DOCK1: variants seen among roughly 807,000 people sequenced by gnomAD.
The protein encoded by DOCK1 is dedicator of cytokinesis protein 1.
Under a neutral mutation model 262.7 loss-of-function variants are expected in DOCK1, and 138 were observed. The observed-to-expected ratio is 0.53, with a 90% CI of 0.46 to 0.61. The LOEUF is 0.61. Among genes scored for constraint, DOCK1 ranks in the 20% least tolerant of loss-of-function variants. The pLI, the probability that DOCK1 is intolerant of heterozygous loss-of-function variation, is 0.00. For missense variants in DOCK1, 1,908 were observed against 2,370.7 expected, an observed-to-expected ratio of 0.80 and a Z score of 4.05; for synonymous variants, 866 against 867.4, an observed-to-expected ratio of 1.00 and a Z score of 0.03.
intron 1 of DOCK1, among the ~76,000 whole-genome samples, chr10:126,950,512 T>C (rs947234985): frequency 6.6e-6 from 1 of 152,120 alleles, no homozygotes; most frequent in Non-Finnish European, 1.5e-5. Context: ...CAATGGGGCC[T>C]TTGACAGTGC....
chr10:127,145,603 C>T (rs1028560212), intron 27 of DOCK1, among the ~76,000 whole-genome samples: 3 of 152,162 alleles, frequency 2.0e-5, no homozygotes, highest in Admixed American at 6.5e-5. Context: ...GATCCCATGA[C>T]CCAGGGCCAT....
chr10:126,974,306 G>A (rs1408495439), intron 2 of DOCK1, among the ~76,000 whole-genome samples: 1 of 152,132 alleles, frequency 6.6e-6, no homozygotes, highest in African/African-American at 2.4e-5. Flanking sequence ...CAAAGTTGAG[G>A]AAATTGTCCT....
chr10:127,226,848 C>T (rs1234800045), intron 27 of DOCK1, among the ~76,000 whole-genome samples: 1 of 152,124 alleles, frequency 6.6e-6, no homozygotes, highest in African/African-American at 2.4e-5. Flanking sequence ...TGCCTTTCTC[C>T]CGCTCCCATC....
rs375692705 is a variant in DOCK1 at position 127,451,936 on chromosome 10, G to C, written c.*509G>C. 6.4e-5 allele frequency: 10 copies of C among 156,860 alleles called. No homozygotes were observed. In the South Asian group the frequency reaches 2.0e-3, roughly 31 times the overall value. The allele number at this position is 156,860 out of a possible 1,614,324, so 9.7% of individuals were successfully genotyped here. A position where few individuals can be genotyped will look rare whatever the true frequency, so the allele number is the denominator to read the frequency against. On this transcript the variant is annotated 3_prime_UTR_variant, in exon 52 of 52. Transcript: ENST00000623213. ...TGAGGTGTGTCTCCAACCTACATCAGACCATGAAGTTCAACCCCTCCAGGG... is the reference window on the plus strand; with the variant it reads ...TGAGGTGTGTCTCCAACCTACATCACACCATGAAGTTCAACCCCTCCAGGG...
intron 27 of DOCK1, among the ~76,000 whole-genome samples, chr10:127,189,008 A>G (rs1172961620): frequency 2.0e-5 from 3 of 152,182 alleles, no homozygotes; most frequent in Non-Finnish European, 2.9e-5. Flanking sequence ...GTCAGGGCTC[A>G]GGTGGTCGGC....
intron 23 of DOCK1, among the ~76,000 whole-genome samples, chr10:127,090,723 G>A (rs961266821): frequency 7.9e-5 from 12 of 152,056 alleles, no homozygotes; most frequent in East Asian, 7.7e-4. Context: ...CTTCTTCTGC[G>A]TATTTCATAT....
rs2064406469 is a variant in DOCK1 at position 127,361,156 on chromosome 10, C to T, written c.3284-908C>T. On this transcript the variant is annotated intron_variant, in intron 32 of 51. Transcript: ENST00000623213. The stretch of plus-strand genomic sequence containing the variant: ...TGAGACAGAGTCTTGCTCTGTCGCC[C>T]AGGCTGGAGTGCACTGGCGTGATCT... Among the ~76,000 whole-genome samples the T allele has an allele frequency of 3.5e-5, 5 of 144,670 alleles. No homozygotes were observed. In the Admixed American group the frequency reaches 3.5e-4, roughly 10 times the overall value. The allele number at this position is 144,670 out of a possible 152,430, so 94.9% of individuals were successfully genotyped here.
intron 21 of DOCK1, among the ~76,000 whole-genome samples, chr10:127,045,200 T>TAA (rs71032534): frequency 0.17 from 14,060 of 81,802 alleles, 1,781 homozygotes; most frequent in South Asian, 0.28. Flanking sequence ...TCTGTCTCAA[T>TAA]AAAAAAAAAA....
intron 27 of DOCK1, among the ~76,000 whole-genome samples, chr10:127,225,144 A>T (rs1043355825): frequency 6.6e-6 from 1 of 152,252 alleles, no homozygotes; most frequent in Admixed American, 6.5e-5. Flanking sequence ...CGTGCCAAAA[A>T]TATAGAAAGT....
chr10:127,394,022 T>C (rs117895752), intron 38 of DOCK1, among the ~76,000 whole-genome samples: 3,626 of 152,228 alleles, frequency 0.024, 63 homozygotes, highest in Non-Finnish European at 0.035. Context: ...TTGTCTGTCT[T>C]ATTGTGTTTG....
At chr10:127,310,601 G>A (rs530096835) in intron 29 of DOCK1, among the ~76,000 whole-genome samples, 16 of 152,288 alleles carry the variant, frequency 1.1e-4, no homozygotes, top group African/African-American at 3.8e-4. Context: ...AACTGTTCTC[G>A]TAAAAGCGTT....
chr10:127,165,420 G>C (rs2053986911), intron 27 of DOCK1, among the ~76,000 whole-genome samples: 1 of 152,156 alleles, frequency 6.6e-6, no homozygotes, highest in African/African-American at 2.4e-5. Flanking sequence ...GTCCAGTTAT[G>C]AGACTTTGCT....
At chr10:127,105,666 G>A (rs758665363) in intron 23 of DOCK1, among the ~76,000 whole-genome samples, 2 of 152,190 alleles carry the variant, frequency 1.3e-5, no homozygotes, top group African/African-American at 2.4e-5. Context: ...TAGGCCACAG[G>A]TGATAAGTGT....
intron 23 of DOCK1, among the ~76,000 whole-genome samples, chr10:127,068,270 G>A (rs1303654806): frequency 6.6e-6 from 1 of 152,102 alleles, no homozygotes; most frequent in Non-Finnish European, 1.5e-5. Flanking sequence ...GCTAGCATCT[G>A]GGATCCACAC....
At chr10:127,451,232 C>T (rs762543531) in intron 51 of DOCK1, 100 bp from the exon 52 acceptor site, 51 of 1,342,962 alleles carry the variant, frequency 3.8e-5, no homozygotes, top group Non-Finnish European at 4.4e-5. Flanking sequence ...AGGATGGTTC[C>T]GGCTGAGTGG....
chr10:127,139,471 C>T lies in DOCK1; in HGVS notation c.2847+11707C>T, dbSNP rs565184359. Among the ~76,000 whole-genome samples the T allele has an allele frequency of 6.0e-5, 9 of 151,228 alleles. No homozygotes were observed. In the East Asian group the frequency reaches 1.4e-3, roughly 23 times the overall value. On this transcript the variant is annotated intron_variant, in intron 27 of 51. Coordinates refer to ENST00000623213, the MANE Select transcript of DOCK1 (RefSeq NM_001290223.2). ...AACAAGTTATCCTTTTCCCTTTTTT[C>T]GAAGAGCCTCTTTGAGTTATGCTCT...
intron 23 of DOCK1, among the ~76,000 whole-genome samples, chr10:127,076,843 T>C (rs1564785679): frequency 6.6e-6 from 1 of 152,062 alleles, no homozygotes; most frequent in Non-Finnish European, 1.5e-5. Flanking sequence ...GGCATTTCCA[T>C]GTTGGGGGCC....
intron 29 of DOCK1, among the ~76,000 whole-genome samples, chr10:127,281,069 G>A (rs1465206195): frequency 1.3e-5 from 2 of 152,178 alleles, no homozygotes; most frequent in Admixed American, 6.5e-5. Flanking sequence ...TTCCTTGTTT[G>A]GTTTGTGAGG....
intron 29 of DOCK1, among the ~76,000 whole-genome samples, chr10:127,336,535 G>GTT (rs545546680): frequency 1.2e-4 from 17 of 137,906 alleles, no homozygotes; most frequent in Admixed American, 1.5e-4. Flanking sequence ...GACATACATA[G>GTT]TTTTTTTTTT....
Sources: allele counts gnomAD v4.1 joint callset (sites outside exome capture counted in the v4.1 genomes callset), GRCh38; gene constraint gnomAD v4.1.1; transcripts MANE v1.5; gene names NCBI Gene and HGNC (gene_info 2026-07-23, HGNC 2026-07-21).